MGAT5B: variants seen among roughly 807,000 people sequenced by gnomAD.
MGAT5B encodes N-acetylglucosaminyl-transferase Vb.
A neutral mutation model predicts 95.1 loss-of-function variants in MGAT5B; 54 were observed. The observed-to-expected ratio is 0.57, with a 90% confidence interval of 0.46 to 0.71. MGAT5B has a LOEUF of 0.71. Ranked by LOEUF, MGAT5B falls within the 30% of genes least tolerant of loss-of-function variation. MGAT5B has a pLI of 0.00. For missense variants in MGAT5B, 935 were observed against 1,088.6 expected (o/e 0.86, Z 1.99); for synonymous variants, 464 against 451.0 (o/e 1.03, Z -0.36).
intron 3 of MGAT5B, among the ~76,000 whole-genome samples, chr17:76,899,175 G>A (rs1368034860): frequency 6.6e-6 from 1 of 152,196 alleles, no homozygotes; most frequent in Non-Finnish European, 1.5e-5. Flanking sequence ...GGCTTGGCTT[G>A]TCTTGACATA....
In MGAT5B at chr17:76,915,146, G is replaced by A. The variant is rs555104946; in HGVS notation, c.1025+8959G>A. 7.9e-5 allele frequency among the ~76,000 whole-genome samples: 12 copies of A among 152,350 alleles called. No homozygotes were observed. In the East Asian group the frequency reaches 1.9e-3, roughly 24 times the overall value. ...TGTTTATTTTTCGAGATAAGAGAGT[G>A]CACTCATGTTTAAATGTGGCTGCAA... On this transcript the variant is annotated intron_variant, in intron 8 of 17. Coordinates refer to ENST00000569840, the MANE Select transcript of MGAT5B (RefSeq NM_001199172.2). This position sits in a 1 kb window ranked among gnomAD's most constrained non-coding sequence, Gnocchi z 8.7.
chr17:76,925,014 C>T lies in MGAT5B; in HGVS notation c.1074C>T (p.Pro358=), dbSNP rs1229694340. 3 of 1,603,468 alleles carry T rather than the reference C, an allele frequency of 1.9e-6. No homozygotes were observed. Among genetic ancestry groups the T allele is most frequent in the Middle Eastern group, 1.7e-4 (1 of 6,040 alleles). The part of the protein sequence containing the change: ...PGRGSCPLTM[P]LPFDLIYTDY... ...GGGGAAGCTGCCCGCTCACCATGCC[C>T]CTGCCCTTCGACCTCATCTACACCG... The change falls in exon 9 of 18, where the codon CCC becomes CCT. Residue 358 remains proline (P), a synonymous_variant. Coordinates refer to ENST00000569840, the MANE Select transcript of MGAT5B (RefSeq NM_001199172.2).
intron 8 of MGAT5B, among the ~76,000 whole-genome samples, chr17:76,907,091 C>G (rs524567): frequency 0.15 from 21,951 of 150,818 alleles, 2,097 homozygotes; most frequent in African/African-American, 0.25. Context: ...CTCTCTTGTT[C>G]CCCAGGCTGG....
chr17:76,946,467 G>A lies in MGAT5B; in HGVS notation c.1923+17G>A, dbSNP rs893172708. 13 of 1,569,558 alleles carry A rather than the reference G, an allele frequency of 8.3e-6. No individual in the cohort carries two copies. The highest frequency in any genetic ancestry group is 1.1e-5 in the Non-Finnish European group (13 of 1,156,722). ...CAGCACCAGGTCAGTGAGCCCTCTGGTCCCTGCCCCAGATCCTGTCAGACC... is the reference window on the plus strand; with the variant it reads ...CAGCACCAGGTCAGTGAGCCCTCTGATCCCTGCCCCAGATCCTGTCAGACC... On this transcript the variant is annotated intron_variant, in intron 16 of 17. Transcript: ENST00000569840.
intron 12 of MGAT5B, among the ~76,000 whole-genome samples, chr17:76,934,411 T>C (rs921103642): frequency 4.6e-5 from 7 of 152,148 alleles, no homozygotes; most frequent in African/African-American, 1.7e-4. Flanking sequence ...CCACAGCCTG[T>C]TCAGCATTAT....
intron 3 of MGAT5B, among the ~76,000 whole-genome samples, chr17:76,887,449 T>TCCTTCCTCCCTCCCTCCCTC (rs1968784046): frequency 2.3e-5 from 1 of 44,036 alleles, no homozygotes; most frequent in Non-Finnish European, 4.5e-5. Context: ...CTCCCTCCCT[T>TCCTTCCTCCCTCCCTCCCTC]CCTTCCTCCC....
intron 9 of MGAT5B, among the ~76,000 whole-genome samples, chr17:76,926,098 T>C (rs1263542252): frequency 6.6e-6 from 1 of 152,170 alleles, no homozygotes; most frequent in East Asian, 1.9e-4. Context: ...TCAGAAGCGC[T>C]GCCCTCCCAA....
At chr17:76,942,655 C>A (rs536917956) in intron 15 of MGAT5B, among the ~76,000 whole-genome samples, 2 of 152,268 alleles carry the variant, frequency 1.3e-5, no homozygotes, top group East Asian at 3.9e-4. Context: ...AGGAAGGAGG[C>A]CTTAGGTAGG....
chr17:76,895,529 C>A (rs906879595), intron 3 of MGAT5B, among the ~76,000 whole-genome samples: 2 of 152,118 alleles, frequency 1.3e-5, no homozygotes, highest in Non-Finnish European at 2.9e-5. Context: ...GAGATCAAGA[C>A]GTCAGCAGGC....
intron 3 of MGAT5B, among the ~76,000 whole-genome samples, chr17:76,900,308 A>G (rs1250965126): frequency 6.6e-6 from 1 of 152,218 alleles, no homozygotes; most frequent in Non-Finnish European, 1.5e-5. Context: ...ATCTCACAGA[A>G]GGCTGTCGTG....
intron 10 of MGAT5B, among the ~76,000 whole-genome samples, chr17:76,932,191 G>A (rs957927677): frequency 6.6e-6 from 1 of 150,814 alleles, no homozygotes; most frequent in African/African-American, 2.4e-5. Flanking sequence ...GCAGCAGTGC[G>A]ATCATAGCTC....
At chr17:76,903,496 A>G (rs1204297076) in intron 5 of MGAT5B, 120 bp downstream of exon 5, 1 of 638,184 alleles carries the variant, frequency 1.6e-6, no homozygotes. Context: ...TTCTCTGCTC[A>G]GTGCATCCAC....
intron 3 of MGAT5B, among the ~76,000 whole-genome samples, chr17:76,897,033 C>T (rs993234278): frequency 2.0e-5 from 3 of 152,120 alleles, no homozygotes; most frequent in African/African-American, 7.2e-5. Flanking sequence ...ATCCTCCTGC[C>T]TCAATCTGAG....
chr17:76,887,122 G>A (rs1235486747), intron 3 of MGAT5B, among the ~76,000 whole-genome samples: 1 of 152,176 alleles, frequency 6.6e-6, no homozygotes, highest in Non-Finnish European at 1.5e-5. Context: ...AGCCCTGGAT[G>A]CTGCTGCTCT....
rs1451711799 is a variant in MGAT5B at position 76,869,162 on chromosome 17, T to G, written c.68+65T>G. 1 of 1,433,648 alleles carries G rather than the reference T, an allele frequency of 7.0e-7. No individual in the cohort carries two copies. The highest frequency in any genetic ancestry group is 9.8e-7 in the Non-Finnish European group (1 of 1,016,494). 88.8% of individuals were successfully genotyped at this position (1,433,648 alleles called of 1,614,324 possible). A position where few individuals can be genotyped will look rare whatever the true frequency, so the allele number is the denominator to read the frequency against. On this transcript the variant is annotated intron_variant, in intron 1 of 17. Transcript: ENST00000569840. The surrounding 1 kb of genome is among the most constrained non-coding windows in gnomAD (Gnocchi z 7.0). ...GCCGGGTGGAGGTGGGCGAGGTCGG[T>G]TCCTGCGAACGTTCAAGTCCTGGTG... is the stretch of plus-strand genomic sequence containing the variant.
At position 76,946,388 on chromosome 17, in the gene MGAT5B, C is replaced by A. The variant is rs770732188; in HGVS notation, c.1861C>A (p.Leu621Ile). The change falls in exon 16 of 18, where the codon CTA becomes ATA. Residue 621 changes from leucine (L) to isoleucine (I), a missense_variant. Around this residue, in one of 4 missense-constraint regions of MGAT5B, gnomAD observed 440 missense variants for 523.6 expected, o/e 0.84. Coordinates refer to ENST00000569840, the MANE Select transcript of MGAT5B (RefSeq NM_001199172.2). The stretch of plus-strand genomic sequence containing the variant: ...ATCCCTCCCACAGGTAGACCCCTAC[C>A]TACCCTACGAGTACACCTGCGAGGG... ...AIMRTQVDPY[L>I]PYEYTCEGML... 3.1e-6 allele frequency: 5 copies of A among 1,607,972 alleles called. No homozygotes were observed. The highest frequency in any genetic ancestry group is 2.5e-6 in the Non-Finnish European group (3 of 1,177,004).
At chr17:76,894,449 G>A (rs1967995204) in intron 3 of MGAT5B, among the ~76,000 whole-genome samples, 1 of 152,212 alleles carries the variant, frequency 6.6e-6, no homozygotes, top group South Asian at 2.1e-4. Context: ...ATGCCTGTTG[G>A]CTGTGTAACT....
intron 8 of MGAT5B, among the ~76,000 whole-genome samples, chr17:76,921,021 G>A (rs1043492637): frequency 2.0e-5 from 3 of 152,234 alleles, no homozygotes; most frequent in African/African-American, 4.8e-5. Context: ...GGGAAGAGGT[G>A]ACTTGGGACA....
chr17:76,883,820 T>C (rs1322949094), intron 3 of MGAT5B, among the ~76,000 whole-genome samples: 1 of 152,166 alleles, frequency 6.6e-6, no homozygotes. Context: ...CGGAGTTGGG[T>C]GAAACAGAAG....
Sources: gnomAD v4.1 joint callset for allele counts (sites outside exome capture counted in the v4.1 genomes callset) on GRCh38, gnomAD v4.1.1 for gene constraint, gnomAD v4.1.1 regional missense constraint, Gnocchi (gnomAD v3.1) non-coding constraint, MANE v1.5 for transcripts, NCBI Gene and HGNC (gene_info 2026-07-23, HGNC 2026-07-21) for gene names.